SCFD2: variants seen among roughly 807,000 people sequenced by gnomAD.
The protein encoded by SCFD2 is sec1 family domain-containing protein 2.
Under a neutral mutation model 58.9 loss-of-function variants are expected in SCFD2, and 54 were observed. The ratio of observed to expected loss-of-function variants is 0.92; its 90% confidence interval spans 0.74 to 1.15. The LOEUF (loss-of-function observed/expected upper bound fraction) is 1.15, where lower values mean the gene tolerates loss of function less well. Ranked by LOEUF, SCFD2 falls within the 50% of genes most tolerant of loss-of-function variation. SCFD2 has a pLI of 0.00. For missense variants in SCFD2, 805 were observed against 836.6 expected (o/e 0.96, Z 0.47); for synonymous variants, 321 against 335.9 (o/e 0.96, Z 0.49).
intron 4 of SCFD2, among the ~76,000 whole-genome samples, chr4:53,170,725 C>G (rs942762308): frequency 1.3e-5 from 2 of 152,004 alleles, no homozygotes; most frequent in African/African-American, 4.8e-5. Flanking sequence ...ATGTCTTATT[C>G]TTTTCAGTGA....
chr4:53,190,104 G>T (rs763756012), intron 4 of SCFD2, among the ~76,000 whole-genome samples: 3 of 152,138 alleles, frequency 2.0e-5, no homozygotes, highest in Admixed American at 2.0e-4. Flanking sequence ...ATATTTAACT[G>T]ATCTGAATCC....
At chr4:53,162,150 T>G (rs377546504) in intron 4 of SCFD2, among the ~76,000 whole-genome samples, 5 of 152,212 alleles carry the variant, frequency 3.3e-5, no homozygotes, top group African/African-American at 1.2e-4. Context: ...TTATTTTTCC[T>G]TTTTCCCTTG....
intron 6 of SCFD2, among the ~76,000 whole-genome samples, chr4:52,909,328 A>C (rs1343411085): frequency 6.6e-6 from 1 of 152,210 alleles, no homozygotes; most frequent in Non-Finnish European, 1.5e-5. Context: ...AATGGGGTGC[A>C]TCCACAGGGA....
chr4:53,290,551 C>G (rs914011661), intron 3 of SCFD2, among the ~76,000 whole-genome samples: 5 of 151,714 alleles, frequency 3.3e-5, no homozygotes, highest in African/African-American at 1.2e-4. Context: ...AACATTATAC[C>G]TCAAGTAACC....
intron 6 of SCFD2, among the ~76,000 whole-genome samples, chr4:52,915,590 T>C (rs1719583340): frequency 6.6e-6 from 1 of 152,204 alleles, no homozygotes; most frequent in Non-Finnish European, 1.5e-5. Context: ...TGTTCATCCA[T>C]CCATCCATCC....
chr4:53,183,960 A>C (rs1727662232), intron 4 of SCFD2, among the ~76,000 whole-genome samples: 1 of 152,188 alleles, frequency 6.6e-6, no homozygotes, highest in Non-Finnish European at 1.5e-5. Context: ...TAATCCAAGC[A>C]AGGATGATGA....
intron 2 of SCFD2, among the ~76,000 whole-genome samples, chr4:53,329,852 A>T (rs1243203541): frequency 2.6e-5 from 4 of 151,964 alleles, no homozygotes; most frequent in African/African-American, 9.7e-5. Flanking sequence ...TTTGAAAAAA[A>T]TTTAGAAGAA....
chr4:52,880,022 C>G (rs559591706), intron 8 of SCFD2, among the ~76,000 whole-genome samples: 15 of 152,296 alleles, frequency 9.8e-5, no homozygotes, highest in African/African-American at 3.4e-4. Context: ...ACACACACAC[C>G]TGTGTTAAAC....
chr4:53,221,928 T>A (rs1215569224), intron 4 of SCFD2, among the ~76,000 whole-genome samples: 8 of 152,188 alleles, frequency 5.3e-5, no homozygotes, highest in Non-Finnish European at 1.0e-4. Flanking sequence ...AATACTACAT[T>A]AGCAACACAT....
chr4:52,888,324 G>T (rs1439911721), intron 7 of SCFD2, among the ~76,000 whole-genome samples: 2 of 152,142 alleles, frequency 1.3e-5, no homozygotes, highest in East Asian at 1.9e-4. Context: ...AGGACTGGGG[G>T]ACTATCTAAT....
intron 3 of SCFD2, among the ~76,000 whole-genome samples, chr4:53,293,118 C>T (rs1419564730): frequency 1.3e-5 from 2 of 151,974 alleles, no homozygotes; most frequent in Non-Finnish European, 2.9e-5. Flanking sequence ...GAATATTATG[C>T]AGCCATAAAA....
chr4:53,136,873 T>C (rs889307395), intron 5 of SCFD2, among the ~76,000 whole-genome samples: 11 of 152,198 alleles, frequency 7.2e-5, no homozygotes, highest in African/African-American at 2.2e-4. Context: ...TCAATAAATA[T>C]TGATAATCTG....
intron 5 of SCFD2, among the ~76,000 whole-genome samples, chr4:52,922,842 T>G (rs1275925559): frequency 1.3e-5 from 2 of 152,256 alleles, no homozygotes; most frequent in African/African-American, 4.8e-5. Flanking sequence ...TAAGAGGGTT[T>G]CAATTTCTCT....
rs555408550 is a variant in SCFD2, at chr4:53,244,912, G to C, written c.1311+28914C>G. On this transcript the variant is annotated intron_variant, in intron 4 of 8. Transcript: ENST00000401642. Reference sequence around the variant, plus strand: ...AGATTCAAATATACACAATTAGAAAGAACAAAGGGGATATTACCACTCACC... The same window carrying C: ...AGATTCAAATATACACAATTAGAAACAACAAAGGGGATATTACCACTCACC... 1.7e-4 allele frequency among the ~76,000 whole-genome samples: 26 copies of C among 150,914 alleles called. No homozygotes were observed. The South Asian group carries it at 5.3e-3, about 31-fold the overall frequency.
chr4:52,911,849 G>T (rs889085853), intron 6 of SCFD2, among the ~76,000 whole-genome samples: 14 of 152,086 alleles, frequency 9.2e-5, no homozygotes, highest in Non-Finnish European at 1.0e-4. Context: ...TCTGTGCTTT[G>T]CCAGCTAGGT....
chr4:53,159,890 T>C (rs570699120), intron 4 of SCFD2, among the ~76,000 whole-genome samples: 4 of 152,272 alleles, frequency 2.6e-5, no homozygotes, highest in African/African-American at 9.6e-5. Flanking sequence ...ATTTTGTATG[T>C]ATACCTACCA....
chr4:52,951,440 C>A (rs189479695), intron 5 of SCFD2, among the ~76,000 whole-genome samples: 9 of 152,148 alleles, frequency 5.9e-5, no homozygotes, highest in Non-Finnish European at 1.2e-4. Flanking sequence ...ACTGGGAAAT[C>A]TTTGAAAACT....
intron 1 of SCFD2, among the ~76,000 whole-genome samples, chr4:53,364,574 T>C (rs1411646716): frequency 6.6e-6 from 1 of 152,264 alleles, no homozygotes; most frequent in Non-Finnish European, 1.5e-5. Flanking sequence ...AAATATTTTC[T>C]ACAATTCTAT....
intron 4 of SCFD2, among the ~76,000 whole-genome samples, chr4:53,181,845 A>G (rs1328419687): frequency 6.6e-6 from 1 of 152,202 alleles, no homozygotes; most frequent in Non-Finnish European, 1.5e-5. Context: ...AATCACAAGC[A>G]TTCTTATACA....
Sources: gnomAD v4.1 joint callset for allele counts (sites outside exome capture counted in the v4.1 genomes callset) on GRCh38, gnomAD v4.1.1 for gene constraint, MANE v1.5 for transcripts, NCBI Gene and HGNC (gene_info 2026-07-23, HGNC 2026-07-21) for gene names.